Variants in IL7R observed in about 807,000 individuals in gnomAD.
The protein encoded by IL7R is interleukin 7 receptor.
A neutral mutation model predicts 47.0 loss-of-function variants in IL7R; 38 were observed. That is an observed-to-expected ratio of 0.81 (90% CI 0.62 to 1.06). The LOEUF (loss-of-function observed/expected upper bound fraction) is 1.06. Among genes scored for constraint, IL7R ranks in the 50% least tolerant of loss-of-function variants. The pLI, the probability that IL7R is intolerant of heterozygous loss-of-function variation, is 0.00. For missense variants in IL7R, 633 were observed against 534.8 expected (o/e 1.18, Z -1.81); for synonymous variants, 221 against 199.8 (o/e 1.11, Z -0.89).
chr5:35,873,725 T>C, intron 5 of IL7R, 77 bp downstream of exon 5: 1 of 1,358,216 alleles, frequency 7.4e-7, no homozygotes, highest in Non-Finnish European at 1.1e-6. Context: ...GAGAGGAAGA[T>C]TGTTGAAACT....
chr5:35,862,571 T>A (rs1034271702), intron 2 of IL7R, among the ~76,000 whole-genome samples: 1 of 152,146 alleles, frequency 6.6e-6, no homozygotes, highest in African/African-American at 2.4e-5. Context: ...GGAAAATATA[T>A]GTATGAGCTC....
At chr5:35,869,525 G>C (rs1760019662) in intron 3 of IL7R, among the ~76,000 whole-genome samples, 2 of 152,204 alleles carry the variant, frequency 1.3e-5, no homozygotes, top group Non-Finnish European at 2.9e-5. Flanking sequence ...CCATTTTACA[G>C]GGGCCTGAAT....
intron 2 of IL7R, among the ~76,000 whole-genome samples, chr5:35,863,636 C>T (rs1244951207): frequency 3.3e-5 from 5 of 152,138 alleles, no homozygotes; most frequent in Non-Finnish European, 5.9e-5. Context: ...AACTTTTCTT[C>T]TGCCCAGATC....
At position 35,860,870 on chromosome 5, in the gene IL7R, A is replaced by T; in HGVS notation, c.101A>T (p.Glu34Val). ...TCCCCAGGAGACTTGGAAGATGCAG[A>T]ACTGGATGACTACTCATTCTCATGC... is the stretch of plus-strand genomic sequence containing the variant. ...YAQNGDLEDA[E>V]LDDYSFSCYS... Residue 34 changes from glutamate (E) to valine (V), a missense_variant, in exon 2 of 8, where the codon GAA becomes GTA. By Grantham distance (121) the Glu-to-Val change is moderately radical. Transcript: ENST00000303115. 1.2e-6 allele frequency: 2 copies of T among 1,613,654 alleles called. No individual in the cohort carries two copies. The highest frequency in any genetic ancestry group is 1.7e-6 in the Non-Finnish European group (2 of 1,179,620).
intron 2 of IL7R, among the ~76,000 whole-genome samples, chr5:35,862,493 G>A (rs1759845737): frequency 6.6e-6 from 1 of 152,000 alleles, no homozygotes; most frequent in African/African-American, 2.4e-5. Flanking sequence ...TCCTCTATTT[G>A]GGTTTTCCAA....
rs1247233041 is a variant in IL7R, at chr5:35,873,216, T to C, written c.538-264T>C. On this transcript the variant is annotated intron_variant, in intron 4 of 7. Coordinates refer to ENST00000303115, the MANE Select transcript of IL7R (RefSeq NM_002185.5). ...AGATATTGAAGTGTGGAAAGGGAGA[T>C]CCTGGGCAGTGCCTAACTCACCTGA... 1.2e-5 allele frequency: 6 copies of C among 501,592 alleles called. 1 individual carries two copies. Among genetic ancestry groups the C allele is most frequent in the South Asian group, 4.2e-5 (2 of 47,094 alleles). 31.1% of individuals were successfully genotyped at this position (501,592 alleles called of 1,614,324 possible). A position where few individuals can be genotyped will look rare whatever the true frequency, so the allele number is the denominator to read the frequency against.
At chr5:35,857,914 C>T (rs1456619374) in intron 1 of IL7R, among the ~76,000 whole-genome samples, 1 of 152,170 alleles carries the variant, frequency 6.6e-6, no homozygotes, top group Non-Finnish European at 1.5e-5. Flanking sequence ...CAATATCAAA[C>T]ACATCAGCCT....
intron 2 of IL7R, among the ~76,000 whole-genome samples, chr5:35,863,723 T>C (rs1328392352): frequency 6.6e-6 from 1 of 152,072 alleles, no homozygotes; most frequent in African/African-American, 2.4e-5. Context: ...GAAAAACAAA[T>C]TGGTAACTGT....
At position 35,877,835 on chromosome 5, in the gene IL7R, A is replaced by T. The variant is rs994787537; in HGVS notation, c.*1349A>T. 1 of 233,182 alleles carries T rather than the reference A, an allele frequency of 4.3e-6. No homozygotes were observed. Among genetic ancestry groups the T allele is most frequent in the African/African-American group, 2.2e-5 (1 of 45,334 alleles). 14.4% of individuals were successfully genotyped at this position (233,182 alleles called of 1,614,324 possible). A position where few individuals can be genotyped will look rare whatever the true frequency, so the allele number is the denominator to read the frequency against. ...TAACTCAAAGTCAAGGCAACTGAGT[A>T]ATGTCAGCTCAGCAAAGTGCAGCAA... On this transcript the variant is annotated 3_prime_UTR_variant, in exon 8 of 8. Transcript: ENST00000303115.
intron 3 of IL7R, among the ~76,000 whole-genome samples, chr5:35,870,118 C>G (rs1223372338): frequency 3.9e-5 from 6 of 152,200 alleles, no homozygotes; most frequent in Non-Finnish European, 8.8e-5. Flanking sequence ...GCACCCCCAC[C>G]CCCAGACAAC....
intron 3 of IL7R, among the ~76,000 whole-genome samples, chr5:35,869,031 C>T (rs1760007876): frequency 6.6e-6 from 1 of 152,126 alleles, no homozygotes; most frequent in South Asian, 2.1e-4. Flanking sequence ...GGGGCTATGG[C>T]AAGCACCCCT....
intron 4 of IL7R, among the ~76,000 whole-genome samples, chr5:35,872,224 A>C (rs554770308): frequency 1.3e-5 from 2 of 152,330 alleles, no homozygotes; most frequent in East Asian, 3.9e-4. Flanking sequence ...TTTGAGATGG[A>C]GTCTTGCTCA....
In IL7R at chr5:35,871,124, T is replaced by A. The variant is rs1489620244; in HGVS notation, c.448T>A (p.Phe150Ile). 1 of 1,612,060 alleles carries A rather than the reference T, an allele frequency of 6.2e-7. No individual in the cohort carries two copies. Among genetic ancestry groups the A allele is most frequent in the Admixed American group, 1.7e-5 (1 of 60,010 alleles). Residue 150 changes from phenylalanine to isoleucine, a missense_variant, in exon 4 of 8, where the codon TTT (phenylalanine) becomes ATT (isoleucine). Physicochemically the swap from Phe to Ile is conservative, Grantham distance 21. Transcript: ENST00000303115. Reference sequence around the variant, plus strand: ...AGGAGCCAATGACTTTGTGGTGACATTTAATACATCACACTTGCAAAAGAA... The same window carrying A: ...AGGAGCCAATGACTTTGTGGTGACAATTAATACATCACACTTGCAAAAGAA... ...REGANDFVVT[F>I]NTSHLQKKYV...
chr5:35,866,187 A>G (rs1248048276), intron 2 of IL7R, among the ~76,000 whole-genome samples: 1 of 152,114 alleles, frequency 6.6e-6, no homozygotes, highest in East Asian at 1.9e-4. Flanking sequence ...CAGGTTATTT[A>G]TGTCTTCTAG....
At chr5:35,862,561 G>A (rs1438009258) in intron 2 of IL7R, among the ~76,000 whole-genome samples, 1 of 152,118 alleles carries the variant, frequency 6.6e-6, no homozygotes, top group East Asian at 1.9e-4. Flanking sequence ...CGTTTTCAGT[G>A]GAAAATATAT....
In IL7R at chr5:35,876,149, A is replaced by C. The variant is rs41270321; in HGVS notation, c.1043A>C (p.Asn348Thr). 23,664 of 1,614,118 alleles carry C rather than the reference A, an allele frequency of 0.015. 215 individuals are homozygous for C. The highest frequency in any genetic ancestry group is 0.018 in the Non-Finnish European group (20,801 of 1,179,968). ...CTTGGAGGGGATGTGCAGAGCCCCA[A>C]CTGCCCATCTGAGGATGTAGTCATC... The part of the protein sequence containing the change: ...QRLGGDVQSP[N>T]CPSEDVVITP... The change falls in exon 8 of 8, where the codon AAC (asparagine) becomes ACC (threonine). Residue 348 changes from asparagine to threonine, a missense_variant. Coordinates refer to ENST00000303115, the MANE Select transcript of IL7R (RefSeq NM_002185.5).
At chr5:35,858,222 A>T (rs11567697) in intron 1 of IL7R, among the ~76,000 whole-genome samples, 1 of 152,164 alleles carries the variant, frequency 6.6e-6, no homozygotes, top group Non-Finnish European at 1.5e-5. Flanking sequence ...TTTTCACTCC[A>T]ACTTTTTAAG....
chr5:35,860,392 G>A (rs926357675), intron 1 of IL7R, among the ~76,000 whole-genome samples: 13 of 152,086 alleles, frequency 8.5e-5, no homozygotes, highest in Non-Finnish European at 1.8e-4. Context: ...AAAAATACTA[G>A]GGAGGGAATA....
intron 6 of IL7R, chr5:35,875,266 A>G: frequency 1.9e-6 from 1 of 534,834 alleles, no homozygotes; most frequent in East Asian, 3.3e-5. Flanking sequence ...CCAGAGGTAT[A>G]TTATTGTCAT....
Sources: allele counts gnomAD v4.1 joint callset (sites outside exome capture counted in the v4.1 genomes callset), GRCh38; gene constraint gnomAD v4.1.1; transcripts MANE v1.5; gene names NCBI Gene and HGNC (gene_info 2026-07-23, HGNC 2026-07-21).